Variants in CACNB4 observed in about 807,000 individuals in gnomAD.
CACNB4 encodes voltage-dependent L-type calcium channel subunit beta-4.
A neutral mutation model predicts 71.2 loss-of-function variants in CACNB4; 32 were observed. The observed-to-expected ratio is 0.45, with a 90% CI of 0.34 to 0.60. The LOEUF (loss-of-function observed/expected upper bound fraction) is 0.60, where lower values mean the gene tolerates loss of function less well. Among genes scored for constraint, CACNB4 ranks in the 20% least tolerant of loss-of-function variants. The probability of loss-of-function intolerance (pLI) is 0.01; values close to 1 mark genes in which losing one functional copy is unlikely to be tolerated. For synonymous variants in CACNB4, 231 were observed against 236.9 expected (o/e 0.97, Z 0.23); for missense variants, 464 against 647.9 (o/e 0.72, Z 3.08).
chr2:152,022,775 C>T (rs924112270), intron 2 of CACNB4, among the ~76,000 whole-genome samples: 50 of 152,150 alleles, frequency 3.3e-4, no homozygotes, highest in African/African-American at 1.2e-3. Flanking sequence ...GGATCCACAG[C>T]ACCCCCATCA....
intron 2 of CACNB4, among the ~76,000 whole-genome samples, chr2:151,895,156 C>A (rs2099851731): frequency 6.9e-6 from 1 of 145,172 alleles, no homozygotes; most frequent in Non-Finnish European, 1.5e-5. Context: ...AAATCCTGAG[C>A]AAAACGAACA....
chr2:152,022,285 G>C (rs1683715217), intron 2 of CACNB4, among the ~76,000 whole-genome samples: 1 of 152,168 alleles, frequency 6.6e-6, no homozygotes, highest in African/African-American at 2.4e-5. Flanking sequence ...ATGAGTGAAG[G>C]ACAGAGATGA....
In CACNB4 at chr2:151,838,083, C is replaced by G. The variant is rs901560448; in HGVS notation, c.*1036G>C. The G allele has an allele frequency of 6.6e-6, 1 of 152,148 alleles. No homozygotes were observed. The highest frequency in any genetic ancestry group is 1.5e-5 in the Non-Finnish European group (1 of 68,004). The allele number at this position is 152,148 out of a possible 1,614,324, so 9.4% of individuals were successfully genotyped here. A position where few individuals can be genotyped will look rare whatever the true frequency, so the allele number is the denominator to read the frequency against. ...GAGAAGCAATGGAAAGATACTCAAT[C>G]TTGTTGGCAGGAAATACAGACCCTG... On this transcript the variant is annotated 3_prime_UTR_variant, in exon 14 of 14. Transcript: ENST00000539935.
chr2:152,055,996 A>G (rs1685702779), intron 2 of CACNB4, among the ~76,000 whole-genome samples: 1 of 152,156 alleles, frequency 6.6e-6, no homozygotes, highest in Non-Finnish European at 1.5e-5. Flanking sequence ...CACCACACTG[A>G]AGCCAGAAGG....
chr2:152,064,483 C>A (rs969512013), intron 2 of CACNB4, among the ~76,000 whole-genome samples: 1 of 152,144 alleles, frequency 6.6e-6, no homozygotes, highest in South Asian at 2.1e-4. Context: ...CAGGTTCAAG[C>A]GATTCTCCTG....
At chr2:152,048,475 C>T (rs1685248809) in intron 2 of CACNB4, 1 of 152,252 alleles carries the variant, frequency 6.6e-6, no homozygotes, top group Non-Finnish European at 1.5e-5. Context: ...CAACTGGCCT[C>T]CACTTCATCC....
At chr2:152,042,839 C>CGGCACAAGA (rs1684947074) in intron 2 of CACNB4, among the ~76,000 whole-genome samples, 1 of 151,968 alleles carries the variant, frequency 6.6e-6, no homozygotes, top group Non-Finnish European at 1.5e-5. Flanking sequence ...GACAGGAGGT[C>CGGCACAAGA]GGCACAAGAT....
At chr2:151,947,501 C>G (rs986075422) in intron 2 of CACNB4, among the ~76,000 whole-genome samples, 1 of 152,130 alleles carries the variant, frequency 6.6e-6, no homozygotes, top group South Asian at 2.1e-4. Context: ...CTTTAAGAGT[C>G]GCTGCTATAA....
intron 2 of CACNB4, among the ~76,000 whole-genome samples, chr2:152,005,494 G>C (rs1682670801): frequency 6.6e-6 from 1 of 152,092 alleles, no homozygotes; most frequent in South Asian, 2.1e-4. Flanking sequence ...CATAAAGATG[G>C]GAACAAGAGA....
intron 2 of CACNB4, among the ~76,000 whole-genome samples, chr2:152,080,379 C>T (rs1687296913): frequency 6.6e-6 from 1 of 152,086 alleles, no homozygotes; most frequent in Admixed American, 6.5e-5. Context: ...CCTCGACCTC[C>T]CAAAGTGCTG....
intron 8 of CACNB4, 103 bp from the exon 9 acceptor site, chr2:151,869,338 C>T (rs754036119): frequency 1.6e-5 from 11 of 678,932 alleles, no homozygotes; most frequent in Middle Eastern, 2.5e-4. Flanking sequence ...TGAGCCAAGA[C>T]CTTATTGTAG....
chr2:151,884,634 CAAAAAAA>C (rs35506114), intron 2 of CACNB4, among the ~76,000 whole-genome samples: 3 of 61,512 alleles, frequency 4.9e-5, no homozygotes, highest in African/African-American at 6.3e-5. Flanking sequence ...GACTCCGTCT[CAAAAAAA>C]AAAAAAAAAA....
rs11895905 is a variant in CACNB4 at position 152,032,260 on chromosome 2, G to T, written c.147+66070C>A. On this transcript the variant is annotated intron_variant, in intron 2 of 13. Coordinates refer to ENST00000539935, the MANE Select transcript of CACNB4 (RefSeq NM_000726.5). ...TCTTTGCTCCACGGATAAGAAATTG[G>T]CCTGAGAAGGGAAGGGACTGACCCA... Among the ~76,000 whole-genome samples, 447 of 152,236 alleles carry T rather than the reference G, an allele frequency of 2.9e-3. 2 individuals are homozygous for T. The highest frequency in any genetic ancestry group is 0.01 in the African/African-American group (435 of 41,544).
chr2:151,948,076 A>C (rs1290473418), intron 2 of CACNB4, among the ~76,000 whole-genome samples: 1 of 152,146 alleles, frequency 6.6e-6, no homozygotes, highest in Admixed American at 6.5e-5. Flanking sequence ...TGATAGTGTC[A>C]TTGGTGTATT....
intron 2 of CACNB4, among the ~76,000 whole-genome samples, chr2:151,940,073 TTATC>T (rs1264752621): frequency 1.3e-5 from 2 of 152,226 alleles, no homozygotes; most frequent in Admixed American, 6.5e-5. Flanking sequence ...GATTCTTAGT[TTATC>T]TACATGATTG....
intron 2 of CACNB4, among the ~76,000 whole-genome samples, chr2:151,957,301 T>TGTGTGTGTGTGTCC (rs70974811): frequency 2.6e-5 from 4 of 151,108 alleles, no homozygotes; most frequent in African/African-American, 9.8e-5. Flanking sequence ...TGTGTGTGTG[T>TGTGTGTGTGTGTCC]CCCTTGGGAA....
intron 2 of CACNB4, among the ~76,000 whole-genome samples, chr2:151,979,371 T>A (rs917410847): frequency 6.6e-6 from 1 of 151,664 alleles, no homozygotes; most frequent in South Asian, 2.1e-4. Flanking sequence ...TAAAAAAAAT[T>A]CCCATGGCCT....
At chr2:151,883,144 G>A in intron 3 of CACNB4, 107 bp downstream of exon 3, 2 of 1,198,546 alleles carry the variant, frequency 1.7e-6, no homozygotes, top group Admixed American at 3.7e-5. Flanking sequence ...AGCCTTGTTA[G>A]AATAATCACA....
intron 2 of CACNB4, among the ~76,000 whole-genome samples, chr2:151,951,690 T>C (rs1416817889): frequency 6.6e-6 from 1 of 152,160 alleles, no homozygotes; most frequent in African/African-American, 2.4e-5. Flanking sequence ...AAAGGCATCT[T>C]GAAAGATGCC....
Sources: gnomAD v4.1 joint callset for allele counts (sites outside exome capture counted in the v4.1 genomes callset) on GRCh38, gnomAD v4.1.1 for gene constraint, MANE v1.5 for transcripts, NCBI Gene and HGNC (gene_info 2026-07-23, HGNC 2026-07-21) for gene names.